GLIS3: variants seen among roughly 807,000 people sequenced by gnomAD.
GLIS3 encodes GLIS family zinc finger 3.
GLIS3 carries 53 observed loss-of-function variants against 78.6 expected under a neutral mutation model. The ratio of observed to expected loss-of-function variants is 0.67; its 90% CI spans 0.54 to 0.85. The LOEUF is 0.85. GLIS3 is among the 40% of genes least tolerant of loss of function. The pLI, the probability that GLIS3 is intolerant of heterozygous loss-of-function variation, is 0.00. For synonymous variants in GLIS3, 684 were observed against 509.9 expected, an observed-to-expected ratio of 1.34 and a Z score of -4.60; for missense variants, 1,703 against 1,231.1, an observed-to-expected ratio of 1.38 and a Z score of -5.74.
At chr9:3,908,999 C>T (rs373738402) in intron 6 of GLIS3, among the ~76,000 whole-genome samples, 14 of 152,296 alleles carry the variant, frequency 9.2e-5, no homozygotes, top group African/African-American at 3.4e-4. Flanking sequence ...TTTTCCCTGT[C>T]TCCAATGAGC....
chr9:3,991,005 C>T (rs1376361631), intron 4 of GLIS3, among the ~76,000 whole-genome samples: 1 of 152,070 alleles, frequency 6.6e-6, no homozygotes, highest in Non-Finnish European at 1.5e-5. Context: ...TTTCTGATGA[C>T]AAAAATTAGG....
chr9:3,861,100 T>A (rs982394324), intron 8 of GLIS3, among the ~76,000 whole-genome samples: 26 of 152,266 alleles, frequency 1.7e-4, no homozygotes, highest in African/African-American at 6.0e-4. Flanking sequence ...TCAACACATG[T>A]TTATGGAATG....
At chr9:3,937,745 G>A (rs1825975968) in intron 4 of GLIS3, among the ~76,000 whole-genome samples, 1 of 152,174 alleles carries the variant, frequency 6.6e-6, no homozygotes, top group Non-Finnish European at 1.5e-5. Flanking sequence ...ACCCTCAAAA[G>A]AGTGACCATG....
chr9:4,218,345 C>T (rs992384474), intron 2 of GLIS3, among the ~76,000 whole-genome samples: 1 of 152,034 alleles, frequency 6.6e-6, no homozygotes, highest in Non-Finnish European at 1.5e-5. Context: ...GTGGTGCGAT[C>T]TCGGCTCACT....
chr9:3,925,409 C>G (rs1026711738), intron 6 of GLIS3, among the ~76,000 whole-genome samples: 3 of 152,072 alleles, frequency 2.0e-5, no homozygotes, highest in Non-Finnish European at 4.4e-5. Flanking sequence ...TACAGCAGGT[C>G]CTGGAATAAC....
At chr9:4,247,631 G>T (rs1321387007) in intron 2 of GLIS3, among the ~76,000 whole-genome samples, 2 of 151,690 alleles carry the variant, frequency 1.3e-5, no homozygotes, top group African/African-American at 2.4e-5. Flanking sequence ...TACCATTTGG[G>T]GAAAGATACA....
intron 2 of GLIS3, among the ~76,000 whole-genome samples, chr9:4,331,816 G>A (rs928462597): frequency 2.0e-5 from 3 of 152,176 alleles, no homozygotes; most frequent in African/African-American, 7.2e-5. Flanking sequence ...GAGAGACATT[G>A]GGAGTGGTTC....
the GLIS3 span, among the ~76,000 whole-genome samples, chr9:4,485,180 A>G: frequency 4.8e-4 from 73 of 151,696 alleles, no homozygotes; most frequent in African/African-American, 1.7e-3. Flanking sequence ...ATGCCCAGCT[A>G]ATTTTTGTAT....
chr9:3,937,504 A>C (rs1202074745), intron 4 of GLIS3, among the ~76,000 whole-genome samples: 1 of 152,328 alleles, frequency 6.6e-6, no homozygotes, highest in South Asian at 2.1e-4. Flanking sequence ...GTGTGTCTTA[A>C]AGATTTATTA....
intron 4 of GLIS3, among the ~76,000 whole-genome samples, chr9:4,052,403 T>C (rs960871152): frequency 2.0e-5 from 3 of 152,182 alleles, no homozygotes; most frequent in African/African-American, 4.8e-5. Context: ...GCATTCATAA[T>C]GGTGTACAAC....
intron 2 of GLIS3, among the ~76,000 whole-genome samples, chr9:4,249,210 G>A (rs1001117492): frequency 1.3e-5 from 2 of 152,070 alleles, no homozygotes; most frequent in African/African-American, 4.8e-5. Flanking sequence ...AATTACTTTG[G>A]GTAGTATGGC....
chr9:4,235,189 C>T (rs1822608567), intron 2 of GLIS3, among the ~76,000 whole-genome samples: 1 of 151,672 alleles, frequency 6.6e-6, no homozygotes, highest in Admixed American at 6.6e-5. Context: ...GTTCCAGCTA[C>T]TCCGGAGGCT....
chr9:3,942,763 C>T lies in GLIS3; in HGVS notation c.1711-5574G>A, dbSNP rs868095471. ...CCTGCATTTCTAACAATCTCCCAGG[C>T]GACACTTCTAAATGGTGAATGTTTG... is the stretch of plus-strand genomic sequence containing the variant. On this transcript the variant is annotated intron_variant, in intron 4 of 10. Transcript: ENST00000381971. Among the ~76,000 whole-genome samples the T allele has an allele frequency of 5.9e-5, 9 of 152,252 alleles. No individual in the cohort carries two copies. The South Asian group carries it at 8.3e-4, about 14-fold the overall frequency.
At chr9:4,366,813 A>G in the GLIS3 span, among the ~76,000 whole-genome samples, 1 of 152,176 alleles carries the variant, frequency 6.6e-6, no homozygotes, top group Non-Finnish European at 1.5e-5. Context: ...CGGTCTTGTC[A>G]CTGGAAAATG....
At chr9:3,920,184 T>G (rs1824789000) in intron 6 of GLIS3, among the ~76,000 whole-genome samples, 1 of 152,026 alleles carries the variant, frequency 6.6e-6, no homozygotes, top group Non-Finnish European at 1.5e-5. Flanking sequence ...TTTGTATTTT[T>G]AGTAGAGACG....
chr9:4,457,865 AT>A, the GLIS3 span, among the ~76,000 whole-genome samples: 1 of 151,430 alleles, frequency 6.6e-6, no homozygotes, highest in African/African-American at 2.4e-5. Context: ...AAAAAAAAAA[AT>A]TGCAGAAACT....
rs139759931 is a variant in GLIS3, at chr9:3,873,960, A to G, written c.2297+5467T>C. Among the ~76,000 whole-genome samples, 63 of 152,116 alleles carry G rather than the reference A, an allele frequency of 4.1e-4. 2 individuals are homozygous for G. The East Asian group carries it at 0.011, about 27-fold the overall frequency. On this transcript the variant is annotated intron_variant, in intron 8 of 10. Transcript: ENST00000381971. ...TGAATACTCTCCAAAGAGACCACACATCCCTTCTTTCTGTGATATTATGAA... is the reference window on the plus strand; with the variant it reads ...TGAATACTCTCCAAAGAGACCACACGTCCCTTCTTTCTGTGATATTATGAA...
At chr9:4,041,555 C>A (rs1040731402) in intron 4 of GLIS3, among the ~76,000 whole-genome samples, 1 of 152,286 alleles carries the variant, frequency 6.6e-6, no homozygotes, top group Admixed American at 6.5e-5. Context: ...GTGATGTTAT[C>A]AGGTGCCTAC....
intron 4 of GLIS3, among the ~76,000 whole-genome samples, chr9:4,052,371 T>C (rs1020361151): frequency 1.3e-5 from 2 of 152,190 alleles, no homozygotes; most frequent in Non-Finnish European, 2.9e-5. Flanking sequence ...CATTTAAAAG[T>C]ACATACTTCA....
Sources: gnomAD v4.1 joint callset for allele counts (sites outside exome capture counted in the v4.1 genomes callset) on GRCh38, gnomAD v4.1.1 for gene constraint, MANE v1.5 for transcripts, NCBI Gene and HGNC (gene_info 2026-07-23, HGNC 2026-07-21) for gene names.